Variants in MAST4 observed in about 807,000 individuals in gnomAD.
MAST4 encodes the protein microtubule associated serine/threonine kinase family member 4.
MAST4 carries 89 observed loss-of-function variants against 162.7 expected under a neutral mutation model. The ratio of observed to expected loss-of-function variants is 0.55; its 90% CI spans 0.46 to 0.65. The LOEUF is 0.65. Ranked by LOEUF, MAST4 falls within the 30% of genes least tolerant of loss-of-function variation. The probability of loss-of-function intolerance (pLI) is 0.00; values close to 1 mark genes in which losing one functional copy is unlikely to be tolerated. For missense variants in MAST4, 3,153 were observed against 3,374.0 expected (o/e 0.93, Z 1.62); for synonymous variants, 1,479 against 1,361.1 (o/e 1.09, Z -1.91).
intron 4 of MAST4, among the ~76,000 whole-genome samples, chr5:67,040,173 G>A (rs1460143749): frequency 6.6e-6 from 1 of 152,020 alleles, no homozygotes; most frequent in Non-Finnish European, 1.5e-5. Flanking sequence ...TGAACACTGA[G>A]AGTGAGTTAT....
At chr5:66,784,736 G>A (rs1337739132) in intron 2 of MAST4, among the ~76,000 whole-genome samples, 2 of 152,172 alleles carry the variant, frequency 1.3e-5, no homozygotes, top group Non-Finnish European at 2.9e-5. Context: ...GGAGGATGCA[G>A]GTCTTACGAT....
chr5:66,704,987 T>C (rs375587033), intron 1 of MAST4, among the ~76,000 whole-genome samples: 1 of 152,208 alleles, frequency 6.6e-6, no homozygotes, highest in African/African-American at 2.4e-5. Flanking sequence ...GTTTTTGTTC[T>C]TCCTGGCCTG....
At chr5:67,157,930 A>G (rs954909457) in intron 26 of MAST4, among the ~76,000 whole-genome samples, 4 of 152,238 alleles carry the variant, frequency 2.6e-5, no homozygotes, top group African/African-American at 4.8e-5. Flanking sequence ...TAAAAAGTCA[A>G]TCCTGAATTG....
intron 4 of MAST4, among the ~76,000 whole-genome samples, chr5:66,939,216 G>A (rs1352075342): frequency 1.3e-5 from 2 of 152,106 alleles, no homozygotes; most frequent in South Asian, 2.1e-4. Context: ...AAACTGAAAA[G>A]CATAGTATCT....
At chr5:66,646,117 C>G (rs774922717) in intron 1 of MAST4, among the ~76,000 whole-genome samples, 23 of 152,034 alleles carry the variant, frequency 1.5e-4, no homozygotes, top group South Asian at 2.1e-4. Context: ...GTCGAATTCC[C>G]CCTCCCCCAT....
chr5:66,761,923 T>G (rs1488702307), intron 2 of MAST4, among the ~76,000 whole-genome samples: 12 of 152,248 alleles, frequency 7.9e-5, no homozygotes, highest in African/African-American at 2.9e-4. Flanking sequence ...ACTCATCCTT[T>G]TATTTATTAA....
intron 3 of MAST4, among the ~76,000 whole-genome samples, chr5:66,899,525 C>G (rs554410132): frequency 3.3e-4 from 51 of 152,284 alleles, no homozygotes; most frequent in African/African-American, 1.2e-3. Context: ...CTGTTGAGGG[C>G]AAATAGTTTG....
At chr5:66,702,587 T>G (rs550332991) in intron 1 of MAST4, among the ~76,000 whole-genome samples, 2 of 152,098 alleles carry the variant, frequency 1.3e-5, no homozygotes, top group Non-Finnish European at 2.9e-5. Context: ...ACAGCCAACT[T>G]TTAAGGGAAT....
At chr5:66,923,827 C>G (rs932397906) in intron 4 of MAST4, among the ~76,000 whole-genome samples, 3 of 152,128 alleles carry the variant, frequency 2.0e-5, no homozygotes, top group Middle Eastern at 3.2e-3. Flanking sequence ...TGAAACCTGG[C>G]CTTGTACATA....
chr5:66,956,409 T>C (rs191679177), intron 4 of MAST4, among the ~76,000 whole-genome samples: 19 of 152,294 alleles, frequency 1.2e-4, no homozygotes, highest in African/African-American at 4.6e-4. Flanking sequence ...CAGTCACTGA[T>C]GATCATGGCT....
intron 4 of MAST4, among the ~76,000 whole-genome samples, chr5:67,014,460 G>A (rs1467492123): frequency 6.6e-6 from 1 of 152,152 alleles, no homozygotes; most frequent in Non-Finnish European, 1.5e-5. Context: ...AAGCCTCTAA[G>A]CGTATGAATC....
chr5:66,620,377 A>G (rs938409153), intron 1 of MAST4, among the ~76,000 whole-genome samples: 2 of 152,182 alleles, frequency 1.3e-5, no homozygotes, highest in East Asian at 3.8e-4. Context: ...ACAGTTTTAA[A>G]TTTTTCAACA....
intron 1 of MAST4, among the ~76,000 whole-genome samples, chr5:66,614,150 A>G (rs1475493194): frequency 6.6e-6 from 1 of 152,122 alleles, no homozygotes; most frequent in Non-Finnish European, 1.5e-5. Context: ...CTTCTCTTTC[A>G]CCCTACTTAC....
chr5:67,054,257 A>C, intron 4 of MAST4, 147 bp from the exon 5 acceptor site: 1 of 603,842 alleles, frequency 1.7e-6, no homozygotes. Context: ...CCACCCCTCA[A>C]ATATTAGTGA....
At chr5:66,921,768 T>C (rs545294723) in intron 4 of MAST4, among the ~76,000 whole-genome samples, 1 of 152,090 alleles carries the variant, frequency 6.6e-6, no homozygotes, top group East Asian at 1.9e-4. Context: ...AAAAGAAAAA[T>C]ATGAATCAAG....
intron 4 of MAST4, among the ~76,000 whole-genome samples, chr5:66,904,253 C>CCAGT: frequency 6.6e-6 from 1 of 152,278 alleles, no homozygotes; most frequent in Admixed American, 6.5e-5. Flanking sequence ...CTGGCAGCCA[C>CCAGT]TATTTATTTT....
chr5:66,793,874 C>G (rs1181902463), intron 3 of MAST4, among the ~76,000 whole-genome samples: 1 of 152,154 alleles, frequency 6.6e-6, no homozygotes, highest in Non-Finnish European at 1.5e-5. Flanking sequence ...GTCCAGTATA[C>G]CATATCGTTT....
intron 2 of MAST4, among the ~76,000 whole-genome samples, chr5:66,784,182 C>T (rs1755004694): frequency 1.4e-5 from 2 of 147,168 alleles, no homozygotes; most frequent in South Asian, 4.5e-4. Context: ...CTCTGGGGTC[C>T]CTGACCTGGG....
intron 4 of MAST4, among the ~76,000 whole-genome samples, chr5:66,937,517 C>T (rs1213253293): frequency 6.6e-6 from 1 of 152,154 alleles, no homozygotes; most frequent in Non-Finnish European, 1.5e-5. Flanking sequence ...ACTTAGTAAT[C>T]CTCCTCTCCT....
Sources: allele counts gnomAD v4.1 joint callset (sites outside exome capture counted in the v4.1 genomes callset), GRCh38; gene constraint gnomAD v4.1.1; transcripts MANE v1.5; gene names NCBI Gene and HGNC (gene_info 2026-07-23, HGNC 2026-07-21).